The following CCDC102B variants were observed in gnomAD, a reference collection of about 807,000 sequenced individuals.
CCDC102B encodes the protein coiled-coil domain-containing protein 102B.
CCDC102B carries 75 observed loss-of-function variants against 57.4 expected under a neutral mutation model. That is an observed-to-expected ratio of 1.31 (90% confidence interval 1.08 to 1.58). The LOEUF (loss-of-function observed/expected upper bound fraction) is 1.58, where lower values mean the gene tolerates loss of function less well. Among genes scored for constraint, CCDC102B ranks in the 40% most tolerant of loss-of-function variants. The pLI is 0.00. For missense variants in CCDC102B, 636 were observed against 582.6 expected, an observed-to-expected ratio of 1.09 and a Z score of -0.94; for synonymous variants, 206 against 201.9, an observed-to-expected ratio of 1.02 and a Z score of -0.17.
chr18:68,991,077 T>G (rs1186240642), intron 6 of CCDC102B, among the ~76,000 whole-genome samples: 1 of 151,982 alleles, frequency 6.6e-6, no homozygotes, highest in African/African-American at 2.4e-5. Flanking sequence ...TACTTCTATT[T>G]GTCTTTCTAA....
chr18:68,821,815 G>A (rs62097569), intron 1 of CCDC102B, among the ~76,000 whole-genome samples: 1,607 of 151,906 alleles, frequency 0.011, 20 homozygotes, highest in Non-Finnish European at 0.017. Context: ...ACCATTTTGA[G>A]TAAACTATAT....
chr18:68,839,808 A>C (rs1243638290), intron 3 of CCDC102B, among the ~76,000 whole-genome samples: 1 of 152,204 alleles, frequency 6.6e-6, no homozygotes, highest in Non-Finnish European at 1.5e-5. Flanking sequence ...CACAGAGAGA[A>C]GAAAACGCCA....
intron 6 of CCDC102B, among the ~76,000 whole-genome samples, chr18:68,928,170 G>A (rs2041541817): frequency 6.6e-6 from 1 of 151,822 alleles, no homozygotes; most frequent in Non-Finnish European, 1.5e-5. Flanking sequence ...CTCAATATTG[G>A]CTCACACTAA....
In CCDC102B at chr18:69,054,150, A is replaced by G; in HGVS notation, c.*13A>G. ...GCAAAACTGGTAATTTTTTCACAAAATATGCTGAATTAAAGATTAGGGCCT... is the reference window on the plus strand; with the variant it reads ...GCAAAACTGGTAATTTTTTCACAAAGTATGCTGAATTAAAGATTAGGGCCT... On this transcript the variant is annotated 3_prime_UTR_variant, in exon 8 of 8. Transcript: ENST00000360242. 1 of 1,584,508 alleles carries G rather than the reference A, an allele frequency of 6.3e-7. No homozygotes were observed. The highest frequency in any genetic ancestry group is 1.2e-5 in the South Asian group (1 of 86,652).
intron 4 of CCDC102B, among the ~76,000 whole-genome samples, chr18:68,867,720 G>A (rs958254938): frequency 6.6e-6 from 1 of 151,896 alleles, no homozygotes; most frequent in African/African-American, 2.4e-5. Flanking sequence ...GGATCACAAG[G>A]TCAGGAGATC....
chr18:68,948,935 G>T (rs1050270566), intron 6 of CCDC102B, among the ~76,000 whole-genome samples: 5 of 152,042 alleles, frequency 3.3e-5, no homozygotes, highest in South Asian at 2.1e-4. Flanking sequence ...CGATCACAAG[G>T]TCCCACAATA....
intron 2 of CCDC102B, among the ~76,000 whole-genome samples, chr18:68,771,048 A>G (rs1254231953): frequency 6.6e-6 from 1 of 152,242 alleles, no homozygotes; most frequent in African/African-American, 2.4e-5. Context: ...TGATAGAGTA[A>G]GGAGACCTTT....
At position 68,868,349 on chromosome 18, in the gene CCDC102B, T is replaced by A. The variant is rs547091981; in HGVS notation, c.937-6320T>A. On this transcript the variant is annotated intron_variant, in intron 4 of 7. Transcript: ENST00000360242. ...ATTTTTTGTTTGTTAAAGCTAAACATAATTCACTGTATTTTCTACCATTCT... is the reference window on the plus strand; with the variant it reads ...ATTTTTTGTTTGTTAAAGCTAAACAAAATTCACTGTATTTTCTACCATTCT... Among the ~76,000 whole-genome samples the A allele has an allele frequency of 8.1e-4, 123 of 152,236 alleles. 1 individual carries two copies. The highest frequency in any genetic ancestry group is 2.6e-3 in the Admixed American group (40 of 15,290).
At chr18:68,836,685 G>T in intron 1 of CCDC102B, 64 bp from the exon 2 acceptor site, 5 of 1,048,866 alleles carry the variant, frequency 4.8e-6, no homozygotes, top group Non-Finnish European at 6.7e-6. Context: ...AAAAAGTGTA[G>T]GTCTTGTTCC....
chr18:68,804,134 T>C (rs1429365710), intron 1 of CCDC102B, among the ~76,000 whole-genome samples: 1 of 152,196 alleles, frequency 6.6e-6, no homozygotes, highest in Non-Finnish European at 1.5e-5. Flanking sequence ...ATTTCATATT[T>C]TCCTGCCAGA....
chr18:68,874,241 C>T (rs2039354908), intron 4 of CCDC102B, among the ~76,000 whole-genome samples: 1 of 146,984 alleles, frequency 6.8e-6, no homozygotes, highest in Non-Finnish European at 1.5e-5. Context: ...TTCCATTGCC[C>T]AAGTTTGTCT....
chr18:69,049,750 G>A (rs1314208698), intron 7 of CCDC102B, among the ~76,000 whole-genome samples: 2 of 151,700 alleles, frequency 1.3e-5, no homozygotes, highest in Non-Finnish European at 2.9e-5. Context: ...CTAAAAAGCA[G>A]TTCAAAGCCA....
At chr18:68,901,407 T>A (rs571101555) in intron 6 of CCDC102B, among the ~76,000 whole-genome samples, 1 of 152,200 alleles carries the variant, frequency 6.6e-6, no homozygotes, top group East Asian at 1.9e-4. Flanking sequence ...AGAGCCAGAT[T>A]TGGTTCATAG....
At chr18:68,839,800 CA>C (rs2037548332) in intron 3 of CCDC102B, among the ~76,000 whole-genome samples, 1 of 152,134 alleles carries the variant, frequency 6.6e-6, no homozygotes, top group African/African-American at 2.4e-5. Context: ...CTTAAGAACA[CA>C]GAGAGAAGAA....
intron 5 of CCDC102B, among the ~76,000 whole-genome samples, chr18:68,895,059 G>T (rs1029903550): frequency 1.3e-5 from 2 of 151,722 alleles, no homozygotes; most frequent in African/African-American, 4.8e-5. Context: ...CCTTCTTGTG[G>T]CAACTTTATC....
intron 6 of CCDC102B, among the ~76,000 whole-genome samples, chr18:68,970,989 A>G (rs2050287665): frequency 6.6e-6 from 1 of 152,012 alleles, no homozygotes; most frequent in Admixed American, 6.6e-5. Context: ...TATACAAACA[A>G]ATATTTGGTT....
At chr18:68,806,380 G>A (rs898805380) in intron 1 of CCDC102B, among the ~76,000 whole-genome samples, 1 of 152,022 alleles carries the variant, frequency 6.6e-6, no homozygotes, top group Non-Finnish European at 1.5e-5. Flanking sequence ...ATGTGGAAGA[G>A]AATGAGAATG....
At chr18:69,014,580 A>T (rs2051608608) in intron 7 of CCDC102B, among the ~76,000 whole-genome samples, 1 of 151,126 alleles carries the variant, frequency 6.6e-6, no homozygotes, top group Non-Finnish European at 1.5e-5. Context: ...ACTATAGTAT[A>T]TTGGGCAAGC....
chr18:68,897,301 A>G lies in CCDC102B; in HGVS notation c.1136A>G (p.Glu379Gly). Residue 379 changes from glutamate (E) to glycine (G), a missense_variant, in exon 6 of 8, where the codon GAA becomes GGA. Glu to Gly is a moderately conservative substitution (Grantham distance 98). Coordinates refer to ENST00000360242, the MANE Select transcript of CCDC102B (RefSeq NM_024781.3). ...AGAGAAAAGCAGGGACTGGAGAGAG[A>G]AAATAGAAGGCTGAAGATCCAGGTG... ...LEREKQGLER[E>G]NRRLKIQVKE... 6.2e-7 allele frequency: 1 copy of G among 1,613,254 alleles called. No homozygotes were observed. Among genetic ancestry groups the G allele is most frequent in the East Asian group, 2.2e-5 (1 of 44,868 alleles).
Sources: gnomAD v4.1 joint callset for allele counts (sites outside exome capture counted in the v4.1 genomes callset) on GRCh38, gnomAD v4.1.1 for gene constraint, MANE v1.5 for transcripts, NCBI Gene and HGNC (gene_info 2026-07-23, HGNC 2026-07-21) for gene names.